Variants in CLRN2 observed in about 807,000 individuals in gnomAD.
CLRN2 encodes the protein clarin 2, also known as clarin-2.
Under a neutral mutation model 20.1 loss-of-function variants are expected in CLRN2, and 17 were observed. The ratio of observed to expected loss-of-function variants is 0.85; its 90% CI spans 0.58 to 1.27. The LOEUF (loss-of-function observed/expected upper bound fraction) is 1.27. Among genes scored for constraint, CLRN2 ranks in the 50% most tolerant of loss-of-function variants. CLRN2 has a pLI of 0.00. For synonymous variants in CLRN2, 140 were observed against 126.9 expected, an observed-to-expected ratio of 1.10 and a Z score of -0.70; for missense variants, 288 against 299.5, an observed-to-expected ratio of 0.96 and a Z score of 0.28.
At chr4:17,518,486 T>A (rs1711749941) in intron 1 of CLRN2, among the ~76,000 whole-genome samples, 1 of 152,158 alleles carries the variant, frequency 6.6e-6, no homozygotes, top group African/African-American at 2.4e-5. Context: ...TCTGGCCGGG[T>A]ACAGTGGCTC....
At chr4:17,521,900 C>A (rs1186015398) in intron 1 of CLRN2, among the ~76,000 whole-genome samples, 4 of 152,152 alleles carry the variant, frequency 2.6e-5, no homozygotes, top group Admixed American at 2.6e-4. Context: ...TCAGAAGATG[C>A]GTGTGACCCC....
chr4:17,518,153 T>C (rs769227225), intron 1 of CLRN2, among the ~76,000 whole-genome samples: 11 of 152,028 alleles, frequency 7.2e-5, no homozygotes, highest in Non-Finnish European at 1.3e-4. Flanking sequence ...GGGAGGTTTA[T>C]TGGGTCTCGT....
At chr4:17,515,546 G>A (rs757805895) in intron 1 of CLRN2, 27 bp downstream of exon 1, 13 of 1,607,182 alleles carry the variant, frequency 8.1e-6, no homozygotes, top group Non-Finnish European at 1.1e-5. Flanking sequence ...CATGAAAGCT[G>A]ATTCTAGGCA....
At chr4:17,521,772 G>A (rs909842684) in intron 1 of CLRN2, among the ~76,000 whole-genome samples, 1 of 152,184 alleles carries the variant, frequency 6.6e-6, no homozygotes, top group Admixed American at 6.5e-5. Context: ...GTTCTGATTG[G>A]TGGATACAGC....
At chr4:17,520,596 G>A (rs554841462) in intron 1 of CLRN2, among the ~76,000 whole-genome samples, 59 of 152,294 alleles carry the variant, frequency 3.9e-4, no homozygotes, top group African/African-American at 1.4e-3. Context: ...TTGTCAACAC[G>A]GTGTTTTAGC....
At chr4:17,526,327 A>T (rs150148409) in intron 2 of CLRN2, among the ~76,000 whole-genome samples, 1 of 152,336 alleles carries the variant, frequency 6.6e-6, no homozygotes, top group East Asian at 1.9e-4. Context: ...TGGGAGGCCA[A>T]GGTGAATGGA....
At chr4:17,519,915 C>G (rs1711794802) in intron 1 of CLRN2, among the ~76,000 whole-genome samples, 1 of 152,092 alleles carries the variant, frequency 6.6e-6, no homozygotes, top group South Asian at 2.1e-4. Context: ...TGCTATGTTG[C>G]CCAGACTTAT....
At position 17,523,051 on chromosome 4, in the gene CLRN2, G is replaced by T. The variant is rs1577201736; in HGVS notation, c.433+8G>T. The T allele has an allele frequency of 3.7e-6, 6 of 1,600,072 alleles. No individual in the cohort carries two copies. The highest frequency in any genetic ancestry group is 2.2e-5 in the East Asian group (1 of 44,560). On this transcript the variant is annotated splice_region_variant and intron_variant, in intron 2 of 2. Coordinates refer to ENST00000511148, the MANE Select transcript of CLRN2 (RefSeq NM_001079827.2). Reference sequence around the variant, plus strand: ...TATGGAATGTCCTGGCAGGTAAGAAGTCCCTTAGGGAGAGAAAATTATGTC... The same window carrying T: ...TATGGAATGTCCTGGCAGGTAAGAATTCCCTTAGGGAGAGAAAATTATGTC...
chr4:17,523,372 G>A (rs963020676), intron 2 of CLRN2, among the ~76,000 whole-genome samples: 1 of 151,850 alleles, frequency 6.6e-6, no homozygotes, highest in Non-Finnish European at 1.5e-5. Flanking sequence ...GCACCACCAT[G>A]CCCAGCTAAT....
Position 17,526,884 on chromosome 4 carries a change from A to G in CLRN2, c.501A>G (p.Arg167=). 1 of 1,614,034 alleles carries G rather than the reference A, an allele frequency of 6.2e-7. No individual in the cohort carries two copies. The highest frequency in any genetic ancestry group is 8.5e-7 in the Non-Finnish European group (1 of 1,179,886). ...TGAAATTTCACGACCTGACGGAACG[A>G]ATCGCCAACTTTCAGGAGAAGCTCT... The part of the protein sequence containing the change: ...AAVKFHDLTE[R]IANFQEKLFQ... The change falls in exon 3 of 3, where the codon CGA becomes CGG. Residue 167 remains arginine, a synonymous_variant. Transcript: ENST00000511148.
At chr4:17,524,203 G>GGTGTGT (rs1711901754) in intron 2 of CLRN2, among the ~76,000 whole-genome samples, 1 of 37,356 alleles carries the variant, frequency 2.7e-5, no homozygotes, top group Non-Finnish European at 5.4e-5. Context: ...AAAACTACAA[G>GGTGTGT]ATGTGTGTGT....
chr4:17,522,247 G>C (rs575107944), intron 1 of CLRN2, among the ~76,000 whole-genome samples: 90 of 152,268 alleles, frequency 5.9e-4, no homozygotes, highest in Non-Finnish European at 9.3e-4. Flanking sequence ...TACTGATGAA[G>C]AAATTGAGGC....
chr4:17,518,181 T>G (rs1711729543), intron 1 of CLRN2, among the ~76,000 whole-genome samples: 1 of 152,262 alleles, frequency 6.6e-6, no homozygotes, highest in Non-Finnish European at 1.5e-5. Flanking sequence ...CAGCCACTTT[T>G]CTCATCACAG....
intron 1 of CLRN2, among the ~76,000 whole-genome samples, chr4:17,516,985 A>G (rs1711695960): frequency 6.6e-6 from 1 of 152,220 alleles, no homozygotes; most frequent in Non-Finnish European, 1.5e-5. Flanking sequence ...TCAATGGGGT[A>G]CAGGTGGTTG....
chr4:17,526,242 G>A (rs554643558), intron 2 of CLRN2, among the ~76,000 whole-genome samples: 1 of 152,332 alleles, frequency 6.6e-6, no homozygotes, highest in South Asian at 2.1e-4. Context: ...TCCTTAGGAA[G>A]CATGGTACTG....
At chr4:17,517,792 C>T (rs1560321226) in intron 1 of CLRN2, among the ~76,000 whole-genome samples, 1 of 152,170 alleles carries the variant, frequency 6.6e-6, no homozygotes, top group Admixed American at 6.5e-5. Context: ...AGAGGAGGGT[C>T]TGTAAACATC....
At chr4:17,526,059 G>C (rs1056676317) in intron 2 of CLRN2, among the ~76,000 whole-genome samples, 3 of 152,192 alleles carry the variant, frequency 2.0e-5, no homozygotes, top group African/African-American at 7.2e-5. Flanking sequence ...AATTCTTCCA[G>C]TTTTCCCCTC....
intron 1 of CLRN2, among the ~76,000 whole-genome samples, chr4:17,516,243 G>T (rs1415825300): frequency 6.6e-6 from 1 of 152,226 alleles, no homozygotes; most frequent in Non-Finnish European, 1.5e-5. Context: ...CTGGCATTCA[G>T]TGTAGCATCA....
At position 17,526,944 on chromosome 4, in the gene CLRN2, G is replaced by C. The variant is rs1297570941; in HGVS notation, c.561G>C (p.Glu187Asp). 1 of 1,614,052 alleles carries C rather than the reference G, an allele frequency of 6.2e-7. No homozygotes were observed. Among genetic ancestry groups the C allele is most frequent in the Non-Finnish European group, 8.5e-7 (1 of 1,179,906 alleles). The change falls in exon 3 of 3, where the codon GAG becomes GAC. Residue 187 changes from glutamate to aspartate, a missense_variant. By Grantham distance (45) the Glu-to-Asp change is conservative. Transcript: ENST00000511148. ...TGGTGGTGGAAGAACAGTATGAAGAGTCGTTTTGGATCTGCGTGGCCAGCG... is the reference window on the plus strand; with the variant it reads ...TGGTGGTGGAAGAACAGTATGAAGACTCGTTTTGGATCTGCGTGGCCAGCG... Reference protein sequence around the residue: ...QFVVVEEQYEESFWICVASAS... With the variant: ...QFVVVEEQYEDSFWICVASAS...
Sources: gnomAD v4.1 joint callset for allele counts (sites outside exome capture counted in the v4.1 genomes callset) on GRCh38, gnomAD v4.1.1 for gene constraint, MANE v1.5 for transcripts, NCBI Gene and HGNC (gene_info 2026-07-23, HGNC 2026-07-21) for gene names.